Variants in CDH4 observed in about 807,000 individuals in gnomAD.
CDH4 encodes the protein cadherin-4.
CDH4 carries 33 observed loss-of-function variants against 86.0 expected under a neutral mutation model. That is an observed-to-expected ratio of 0.38 (90% CI 0.29 to 0.51). The LOEUF (loss-of-function observed/expected upper bound fraction) is 0.51. CDH4 is among the 20% of genes least tolerant of loss of function. The pLI, the probability that CDH4 is intolerant of heterozygous loss-of-function variation, is 0.86. For missense variants in CDH4, 1,114 were observed against 1,307.4 expected (o/e 0.85, Z 2.28); for synonymous variants, 555 against 549.4 (o/e 1.01, Z -0.14).
intron 2 of CDH4, among the ~76,000 whole-genome samples, chr20:61,492,441 G>A (rs1202157187): frequency 5.3e-5 from 8 of 152,166 alleles, no homozygotes; most frequent in Non-Finnish European, 1.0e-4. Context: ...TGATGTTGGT[G>A]GTGTCAATAT....
chr20:61,654,689 A>G (rs2087167772), intron 2 of CDH4, among the ~76,000 whole-genome samples: 1 of 152,256 alleles, frequency 6.6e-6, no homozygotes, highest in Non-Finnish European at 1.5e-5. Flanking sequence ...AAGTTTACAA[A>G]GGAAATTAAG....
chr20:61,805,873 T>C (rs927628537), intron 4 of CDH4, among the ~76,000 whole-genome samples: 2 of 152,190 alleles, frequency 1.3e-5, no homozygotes, highest in Non-Finnish European at 1.5e-5. Flanking sequence ...AAATATGGGA[T>C]CTTCATTGCC....
At chr20:61,783,004 G>C (rs1257757098) in intron 4 of CDH4, among the ~76,000 whole-genome samples, 4 of 152,216 alleles carry the variant, frequency 2.6e-5, no homozygotes, top group Admixed American at 2.0e-4. Flanking sequence ...AGAATCACTT[G>C]AACCCCGGAG....
chr20:61,547,738 G>A (rs1208729657), intron 2 of CDH4, among the ~76,000 whole-genome samples: 1 of 152,232 alleles, frequency 6.6e-6, no homozygotes, highest in Non-Finnish European at 1.5e-5. Flanking sequence ...ACCTGAGGCT[G>A]CCTTTCTGGG....
intron 7 of CDH4, among the ~76,000 whole-genome samples, chr20:61,891,888 TG>T (rs1256376393): frequency 6.6e-6 from 1 of 152,022 alleles, no homozygotes; most frequent in Non-Finnish European, 1.5e-5. Flanking sequence ...CTCCCTGAGA[TG>T]CTTGTGGCCT....
intron 2 of CDH4, among the ~76,000 whole-genome samples, chr20:61,567,540 C>CT (rs1432253029): frequency 6.6e-6 from 1 of 152,240 alleles, no homozygotes; most frequent in East Asian, 1.9e-4. Context: ...GCCCCACCTC[C>CT]TGACATCATC....
At chr20:61,837,664 G>C (rs1232733785) in intron 4 of CDH4, among the ~76,000 whole-genome samples, 1 of 152,112 alleles carries the variant, frequency 6.6e-6, no homozygotes, top group Non-Finnish European at 1.5e-5. Context: ...ACACAAGGCT[G>C]GGAACTGTGA....
chr20:61,758,528 C>A (rs1286676273), intron 3 of CDH4, among the ~76,000 whole-genome samples: 1 of 152,142 alleles, frequency 6.6e-6, no homozygotes, highest in African/African-American at 2.4e-5. Context: ...TGAGAGAGAG[C>A]CCCGGGGTGA....
intron 2 of CDH4, among the ~76,000 whole-genome samples, chr20:61,561,040 C>T (rs2086213356): frequency 6.6e-6 from 1 of 152,190 alleles, no homozygotes; most frequent in Non-Finnish European, 1.5e-5. Flanking sequence ...GCCCAGGTCC[C>T]CACCCACAGG....
chr20:61,427,112 A>G (rs1180300586), intron 2 of CDH4, among the ~76,000 whole-genome samples: 1 of 152,254 alleles, frequency 6.6e-6, no homozygotes, highest in Non-Finnish European at 1.5e-5. Context: ...TCTTTGGAAC[A>G]AATAATTAAG....
At chr20:61,419,551 TTCCAG>T (rs1241046137) in intron 2 of CDH4, among the ~76,000 whole-genome samples, 2 of 152,152 alleles carry the variant, frequency 1.3e-5, no homozygotes, top group South Asian at 2.1e-4. Flanking sequence ...ATCGTTTGGC[TTCCAG>T]GCCAGCCACA....
At chr20:61,786,593 G>T (rs1978895153) in intron 4 of CDH4, among the ~76,000 whole-genome samples, 1 of 152,156 alleles carries the variant, frequency 6.6e-6, no homozygotes, top group South Asian at 2.1e-4. Flanking sequence ...GCAGCTGAAA[G>T]TTCCTTAAGA....
In CDH4 at chr20:61,410,903, A is replaced by G. The variant is rs181341214; in HGVS notation, c.169+155966A>G. Among the ~76,000 whole-genome samples the G allele has an allele frequency of 5.3e-5, 8 of 150,404 alleles. No homozygotes were observed. In the East Asian group the frequency reaches 1.2e-3, roughly 23 times the overall value. On this transcript the variant is annotated intron_variant, in intron 2 of 15. Transcript: ENST00000614565. ...TGTTAGTTCACTGATCTCTCCATCTATTCATCCAGTCATCCATCCATTCAT... is the reference window on the plus strand; with the variant it reads ...TGTTAGTTCACTGATCTCTCCATCTGTTCATCCAGTCATCCATCCATTCAT...
intron 2 of CDH4, among the ~76,000 whole-genome samples, chr20:61,520,774 C>T (rs2085863242): frequency 6.6e-6 from 1 of 152,244 alleles, no homozygotes; most frequent in Non-Finnish European, 1.5e-5. Context: ...ACCCCCCGTA[C>T]TGCTTATTAG....
intron 4 of CDH4, among the ~76,000 whole-genome samples, chr20:61,798,491 C>A (rs1979664700): frequency 6.6e-6 from 1 of 152,232 alleles, no homozygotes; most frequent in African/African-American, 2.4e-5. Flanking sequence ...GCGCTGATTC[C>A]ACTGCAGGCG....
intron 2 of CDH4, among the ~76,000 whole-genome samples, chr20:61,715,264 T>C (rs1036847667): frequency 6.6e-6 from 1 of 152,236 alleles, no homozygotes; most frequent in African/African-American, 2.4e-5. Context: ...TGTTCCTTTT[T>C]TTCTTGCTGA....
chr20:61,854,848 G>A (rs1982922176), intron 6 of CDH4, among the ~76,000 whole-genome samples: 1 of 146,760 alleles, frequency 6.8e-6, no homozygotes, highest in South Asian at 2.2e-4. Flanking sequence ...GGGCTGCAGT[G>A]TGAACAGGGT....
chr20:61,581,613 A>G (rs2086429219), intron 2 of CDH4, among the ~76,000 whole-genome samples: 1 of 151,120 alleles, frequency 6.6e-6, no homozygotes, highest in African/African-American at 2.4e-5. Flanking sequence ...TCCTCCTCGG[A>G]CCCGCCCTGC....
intron 2 of CDH4, among the ~76,000 whole-genome samples, chr20:61,255,578 T>C (rs2084093945): frequency 6.6e-6 from 1 of 152,276 alleles, no homozygotes; most frequent in African/African-American, 2.4e-5. Context: ...ATCAGTTCTG[T>C]GCCATGAGCA....
Sources: allele counts gnomAD v4.1 joint callset (sites outside exome capture counted in the v4.1 genomes callset), GRCh38; gene constraint gnomAD v4.1.1; transcripts MANE v1.5; gene names NCBI Gene and HGNC (gene_info 2026-07-23, HGNC 2026-07-21).